B3GNT2: variants seen among roughly 807,000 people sequenced by gnomAD.
The protein encoded by B3GNT2 is N-acetyllactosaminide beta-1,3-N-acetylglucosaminyltransferase 2.
Under a neutral mutation model 27.6 loss-of-function variants are expected in B3GNT2, and 12 were observed. That is an observed-to-expected ratio of 0.44 (90% CI 0.28 to 0.71). The LOEUF (loss-of-function observed/expected upper bound fraction) is 0.71, where lower values mean the gene tolerates loss of function less well. Ranked by LOEUF, B3GNT2 falls within the 30% of genes least tolerant of loss-of-function variation. B3GNT2 has a pLI of 0.17. For synonymous variants in B3GNT2, 192 were observed against 189.7 expected, an observed-to-expected ratio of 1.01 and a Z score of -0.10; for missense variants, 413 against 488.5, an observed-to-expected ratio of 0.85 and a Z score of 1.46.
In B3GNT2 at chr2:62,213,794, CAT is replaced by C. The variant is rs141752438; in HGVS notation, c.-9-8417_-9-8416del. ...ATAAACATGTCTGTAATTCAGCACACATGTGATTTTTCCATTGTCATCTCTTA... is the reference window on the plus strand; with the variant it reads ...ATAAACATGTCTGTAATTCAGCACACGTGATTTTTCCATTGTCATCTCTTA... On this transcript the variant is annotated intron_variant, in intron 1 of 1. Coordinates refer to ENST00000301998, the MANE Select transcript of B3GNT2 (RefSeq NM_006577.6). Among the ~76,000 whole-genome samples, 799 of 152,304 alleles carry C rather than the reference CAT, an allele frequency of 5.2e-3. 5 individuals are homozygous for C. Among genetic ancestry groups the C allele is most frequent in the African/African-American group, 0.018 (736 of 41,574 alleles).
intron 1 of B3GNT2, among the ~76,000 whole-genome samples, chr2:62,203,784 G>T (rs559512947): frequency 9.0e-4 from 137 of 152,128 alleles, no homozygotes; most frequent in Non-Finnish European, 1.7e-3. Flanking sequence ...GGAGTTGGGG[G>T]TCAGGGACTG....
At chr2:62,212,920 A>C (rs1375740592) in intron 1 of B3GNT2, among the ~76,000 whole-genome samples, 1 of 152,168 alleles carries the variant, frequency 6.6e-6, no homozygotes, top group Non-Finnish European at 1.5e-5. Context: ...TGAATCAGAG[A>C]GAAGTCTTTA....
Position 62,223,739 on chromosome 2 carries a change from A to G in B3GNT2, c.*325A>G, listed in dbSNP as rs1009984245. 4.4e-6 allele frequency: 1 copy of G among 225,458 alleles called. No homozygotes were observed. Among genetic ancestry groups the G allele is most frequent in the South Asian group, 1.1e-4 (1 of 9,364 alleles). 14.0% of individuals were successfully genotyped at this position (225,458 alleles called of 1,614,324 possible). A position where few individuals can be genotyped will look rare whatever the true frequency, so the allele number is the denominator to read the frequency against. On this transcript the variant is annotated 3_prime_UTR_variant, in exon 2 of 2. Transcript: ENST00000301998. ...TAAGTGATTTTGTTTGCCCTCTTCT[A>G]TAATATTCCTACTTCCCATAATAAT...
chr2:62,208,510 C>T (rs1269521221), intron 1 of B3GNT2, among the ~76,000 whole-genome samples: 1 of 152,064 alleles, frequency 6.6e-6, no homozygotes, highest in Non-Finnish European at 1.5e-5. Context: ...TGAGATGACA[C>T]CACGTAATTG....
At chr2:62,197,117 T>G (rs1047332525) in intron 1 of B3GNT2, among the ~76,000 whole-genome samples, 2 of 143,506 alleles carry the variant, frequency 1.4e-5, no homozygotes, top group Non-Finnish European at 1.5e-5. Context: ...CGGGGTGGGG[T>G]GGGTGCTGCC....
chr2:62,222,942 T>C lies in B3GNT2; in HGVS notation c.722T>C (p.Val241Ala). The change falls in exon 2 of 2, where the codon GTT (valine) becomes GCT (alanine). Residue 241 changes from valine to alanine, a missense_variant. Transcript: ENST00000301998. The surrounding 1 kb of genome is among the most constrained non-coding windows in gnomAD (Gnocchi z 4.2). ...ACTTCCTGCCCAGACACTGAGTTTG[T>C]TTTCAAGGGCGATGACGATGTTTTT... Reference protein sequence around the residue: ...VSTSCPDTEFVFKGDDDVFVN... With the variant: ...VSTSCPDTEFAFKGDDDVFVN... 2 of 1,614,210 alleles carry C rather than the reference T, an allele frequency of 1.2e-6. No homozygotes were observed. The highest frequency in any genetic ancestry group is 1.7e-6 in the Non-Finnish European group (2 of 1,180,030).
intron 1 of B3GNT2, among the ~76,000 whole-genome samples, chr2:62,212,726 T>C (rs1355730123): frequency 1.3e-5 from 2 of 151,954 alleles, no homozygotes; most frequent in African/African-American, 4.8e-5. Flanking sequence ...CTACCAAATT[T>C]TGGGAGATAT....
rs1026753717 is a variant in B3GNT2 at position 62,222,512 on chromosome 2, C to G, written c.292C>G (p.Pro98Ala). Residue 98 changes from proline to alanine, a missense_variant, in exon 2 of 2, where the codon CCT becomes GCT. Physicochemically the swap from Pro to Ala is conservative, Grantham distance 27 (BLOSUM62 -1). Transcript: ENST00000301998. This position sits in a 1 kb window ranked among gnomAD's most constrained non-coding sequence, Gnocchi z 4.2. ...TATAAGCCATCTGAACTACTGCGAA[C>G]CTGACCTGAGGGTCACGTCGGTGGT... ...SNISHLNYCE[P>A]DLRVTSVVTG... 1.2e-6 allele frequency: 2 copies of G among 1,614,052 alleles called. No homozygotes were observed. Among genetic ancestry groups the G allele is most frequent in the African/African-American group, 1.3e-5 (1 of 74,910 alleles).
At chr2:62,215,769 G>A (rs2104205036) in intron 1 of B3GNT2, among the ~76,000 whole-genome samples, 1 of 152,328 alleles carries the variant, frequency 6.6e-6, no homozygotes, top group Non-Finnish European at 1.5e-5. Flanking sequence ...AAAGTGAACA[G>A]GAACCAGGAT....
chr2:62,222,526 C>G lies in B3GNT2; in HGVS notation c.306C>G (p.Val102=), dbSNP rs765186281. The change falls in exon 2 of 2, where the codon GTC becomes GTG. Residue 102 remains valine, a synonymous_variant. Coordinates refer to ENST00000301998, the MANE Select transcript of B3GNT2 (RefSeq NM_006577.6). The surrounding 1 kb of genome is among the most constrained non-coding windows in gnomAD (Gnocchi z 4.2). The stretch of plus-strand genomic sequence containing the variant: ...ACTACTGCGAACCTGACCTGAGGGT[C>G]ACGTCGGTGGTTACGGGTTTTAACA... ...HLNYCEPDLR[V]TSVVTGFNNL... is the part of the protein sequence containing the mutation. 1 of 1,614,192 alleles carries G rather than the reference C, an allele frequency of 6.2e-7. No individual in the cohort carries two copies. The highest frequency in any genetic ancestry group is 1.1e-5 in the South Asian group (1 of 91,086).
intron 1 of B3GNT2, among the ~76,000 whole-genome samples, chr2:62,202,208 C>A (rs1021586574): frequency 3.3e-5 from 5 of 152,212 alleles, no homozygotes; most frequent in Admixed American, 2.6e-4. Flanking sequence ...CAGCCAGGAA[C>A]TGGTAAGATT....
Position 62,223,308 on chromosome 2 carries a change from A to G in B3GNT2, c.1088A>G (p.Lys363Arg), listed in dbSNP as rs774877939. The G allele has an allele frequency of 1.2e-5, 20 of 1,614,100 alleles. No individual in the cohort carries two copies. Among genetic ancestry groups the G allele is most frequent in the Non-Finnish European group, 1.5e-5 (18 of 1,180,034 alleles). Residue 363 changes from lysine (K) to arginine (R), a missense_variant, in exon 2 of 2, where the codon AAA (lysine) becomes AGA (arginine). Transcript: ENST00000301998. ...FRTFDIEEKN[K>R]NNICSYVDLM... ...ACATTTGATATCGAGGAGAAAAACA[A>G]AAATAACATCTGCTCCTATGTAGAT... is the stretch of plus-strand genomic sequence containing the variant.
intron 1 of B3GNT2, among the ~76,000 whole-genome samples, chr2:62,219,147 C>G (rs1257870826): frequency 6.6e-6 from 1 of 152,138 alleles, no homozygotes; most frequent in East Asian, 1.9e-4. Context: ...CTGTATCTTT[C>G]CTAGGAGAAT....
Position 62,222,335 on chromosome 2 carries a change from G to C in B3GNT2, c.115G>C (p.Gly39Arg), listed in dbSNP as rs1418111292. The C allele has an allele frequency of 3.7e-6, 6 of 1,613,972 alleles. No homozygotes were observed. Among genetic ancestry groups the C allele is most frequent in the Non-Finnish European group, 4.2e-6 (5 of 1,180,024 alleles). ...KSSSQEKNGK[G>R]EVIIPKEKFW... ...CAGTAGCCAAGAAAAAAATGGAAAAGGGGAAGTAATAATACCCAAAGAGAA... is the reference window on the plus strand; with the variant it reads ...CAGTAGCCAAGAAAAAAATGGAAAACGGGAAGTAATAATACCCAAAGAGAA... Residue 39 changes from glycine (G) to arginine (R), a missense_variant, in exon 2 of 2, where the codon GGG becomes CGG. Transcript: ENST00000301998. The surrounding 1 kb of genome is among the most constrained non-coding windows in gnomAD (Gnocchi z 4.2).
At chr2:62,207,647 A>G (rs530069342) in intron 1 of B3GNT2, among the ~76,000 whole-genome samples, 1 of 152,318 alleles carries the variant, frequency 6.6e-6, no homozygotes, top group African/African-American at 2.4e-5. Flanking sequence ...AGATTCTCGT[A>G]AGGAGCATGC....
At chr2:62,202,829 A>AC (rs1458611161) in intron 1 of B3GNT2, among the ~76,000 whole-genome samples, 13 of 152,194 alleles carry the variant, frequency 8.5e-5, no homozygotes, top group African/African-American at 2.6e-4. Flanking sequence ...TTCAAATGTC[A>AC]CCTACCAGGA....
chr2:62,206,898 T>A (rs1390514440), intron 1 of B3GNT2, among the ~76,000 whole-genome samples: 1 of 152,208 alleles, frequency 6.6e-6, no homozygotes, highest in Non-Finnish European at 1.5e-5. Context: ...AAGAGCATAT[T>A]CTCTTTTAAG....
rs1674679512 is a variant in B3GNT2, at chr2:62,220,949, T to C, written c.-9-1263T>C. Among the ~76,000 whole-genome samples the C allele has an allele frequency of 2.6e-5, 4 of 152,348 alleles. No homozygotes were observed. The South Asian group carries it at 8.3e-4, about 32-fold the overall frequency. ...AGCCTGAAATCTTTTGATATTTCACTAAAATATCATTTGTATTTCCCTTTT... is the reference window on the plus strand; with the variant it reads ...AGCCTGAAATCTTTTGATATTTCACCAAAATATCATTTGTATTTCCCTTTT... On this transcript the variant is annotated intron_variant, in intron 1 of 1. Transcript: ENST00000301998.
chr2:62,197,127 C>T (rs1674164660), intron 1 of B3GNT2, among the ~76,000 whole-genome samples: 1 of 152,074 alleles, frequency 6.6e-6, no homozygotes, highest in Non-Finnish European at 1.5e-5. Flanking sequence ...TGGGTGCTGC[C>T]AGGCCAGGGA....
Sources: gnomAD v4.1 joint callset for allele counts (sites outside exome capture counted in the v4.1 genomes callset) on GRCh38, gnomAD v4.1.1 for gene constraint, Gnocchi (gnomAD v3.1) non-coding constraint, MANE v1.5 for transcripts, NCBI Gene and HGNC (gene_info 2026-07-23, HGNC 2026-07-21) for gene names.